ANGPTL7: variants seen among roughly 807,000 people sequenced by gnomAD.
ANGPTL7 encodes the protein angiopoietin-related protein 7.
ANGPTL7 carries 37 observed loss-of-function variants against 38.8 expected under a neutral mutation model. The ratio of observed to expected loss-of-function variants is 0.95; its 90% confidence interval spans 0.73 to 1.25. The LOEUF is 1.25. Ranked by LOEUF, ANGPTL7 falls within the 50% of genes most tolerant of loss-of-function variation. ANGPTL7 has a pLI of 0.00. For synonymous variants in ANGPTL7, 166 were observed against 163.2 expected, an observed-to-expected ratio of 1.02 and a Z score of -0.13; for missense variants, 427 against 438.6, an observed-to-expected ratio of 0.97 and a Z score of 0.24.
chr1:11,195,101 G>A lies in ANGPTL7; in HGVS notation c.*78G>A. 1 of 1,477,214 alleles carries A rather than the reference G, an allele frequency of 6.8e-7. No individual in the cohort carries two copies. 91.5% of individuals were successfully genotyped at this position (1,477,214 alleles called of 1,614,324 possible). A position where few individuals can be genotyped will look rare whatever the true frequency, so the allele number is the denominator to read the frequency against. On this transcript the variant is annotated 3_prime_UTR_variant, in exon 5 of 5. Transcript: ENST00000376819. ...ATGAGGGCAGATGAGGACAGGAAGA[G>A]AGTGTTAGAAAGGGTAGGACTGAGA...
Position 11,195,127 on chromosome 1 carries a change from A to G in ANGPTL7, c.*104A>G. On this transcript the variant is annotated 3_prime_UTR_variant, in exon 5 of 5. Coordinates refer to ENST00000376819, the MANE Select transcript of ANGPTL7 (RefSeq NM_021146.4). ...AGTGTTAGAAAGGGTAGGACTGAGA[A>G]ACAGCCTATAATCTCCAAAGAAAGA... is the stretch of plus-strand genomic sequence containing the variant. 1.7e-6 allele frequency: 2 copies of G among 1,200,522 alleles called. No homozygotes were observed. Among genetic ancestry groups the G allele is most frequent in the Non-Finnish European group, 2.3e-6 (2 of 864,322 alleles). The allele number at this position is 1,200,522 out of a possible 1,614,324, so 74.4% of individuals were successfully genotyped here.
At chr1:11,194,382 T>C in intron 3 of ANGPTL7, 79 bp from the exon 4 acceptor site, 5 of 1,342,952 alleles carry the variant, frequency 3.7e-6, no homozygotes, top group Non-Finnish European at 5.3e-6. Flanking sequence ...GCTATGGGAC[T>C]GTCAGGAGAG....
In ANGPTL7 at chr1:11,192,253, G is replaced by C. The variant is rs535666707; in HGVS notation, c.377-17G>C. 55 of 1,585,708 alleles carry C rather than the reference G, an allele frequency of 3.5e-5. No homozygotes were observed. In the South Asian group the frequency reaches 6.1e-4, roughly 18 times the overall value. ...CACTGGGTCTAAATGCTCACCCTGT[G>C]GTTTGTTCTCTTGTAGATGCCATCT... is the stretch of plus-strand genomic sequence containing the variant. On this transcript the variant is annotated splice_polypyrimidine_tract_variant and intron_variant, in intron 1 of 4. Coordinates refer to ENST00000376819, the MANE Select transcript of ANGPTL7 (RefSeq NM_021146.4).
intron 3 of ANGPTL7, among the ~76,000 whole-genome samples, chr1:11,194,108 T>C (rs1645677591): frequency 6.6e-6 from 1 of 152,120 alleles, no homozygotes; most frequent in Non-Finnish European, 1.5e-5. Flanking sequence ...CTGATACTGT[T>C]TGGGGACCCT....
chr1:11,194,586 T>A lies in ANGPTL7; in HGVS notation c.798T>A (p.His266Gln), dbSNP rs769738671. Residue 266 changes from histidine to glutamine, a missense_variant, in exon 4 of 5, where the codon CAT (histidine) becomes CAA (glutamine). Physicochemically the swap from His to Gln is conservative, Grantham distance 24. Coordinates refer to ENST00000376819, the MANE Select transcript of ANGPTL7 (RefSeq NM_021146.4). ...TGGGGAACGACGCCCTCCAGTATCA[T>A]AACAACACAGCCTTCAGCACCAAGG... ...GNVGNDALQY[H>Q]NNTAFSTKDK... 2.0e-5 allele frequency: 33 copies of A among 1,614,020 alleles called. No homozygotes were observed. Among genetic ancestry groups the A allele is most frequent in the Non-Finnish European group, 2.8e-5 (33 of 1,180,034 alleles).
rs762413357 is a variant in ANGPTL7, at chr1:11,193,600, T to C, written c.498T>C (p.Thr166=). Residue 166 remains threonine (T), a synonymous_variant, in exon 3 of 5, where the codon ACT becomes ACC. Coordinates refer to ENST00000376819, the MANE Select transcript of ANGPTL7 (RefSeq NM_021146.4). The part of the protein sequence containing the change: ...PELEVFCDME[T]SGGGWTIIQR... ...TTCAGGTGTTCTGTGACATGGAGACTTCAGGCGGAGGCTGGACCATCATCC... is the reference window on the plus strand; with the variant it reads ...TTCAGGTGTTCTGTGACATGGAGACCTCAGGCGGAGGCTGGACCATCATCC... 9 of 1,600,962 alleles carry C rather than the reference T, an allele frequency of 5.6e-6. No homozygotes were observed. In the African/African-American group the frequency reaches 9.4e-5, roughly 17 times the overall value.
intron 2 of ANGPTL7, among the ~76,000 whole-genome samples, chr1:11,192,910 C>T (rs1291047367): frequency 6.6e-6 from 1 of 152,156 alleles, no homozygotes; most frequent in Non-Finnish European, 1.5e-5. Flanking sequence ...TAACATAGAT[C>T]AGATCATTCT....
rs182647808 is a variant in ANGPTL7 at position 11,194,641 on chromosome 1, T to A, written c.853T>A (p.Cys285Ser). ...DKDNDNCLDKCAQLRKGGYWY... is the reference protein window; with the variant it reads ...DKDNDNCLDKSAQLRKGGYWY... ...GGACAATGACAACTGCTTGGACAAG[T>A]GTGCACAGCTCCGCAAAGGTGAGAT... Residue 285 changes from cysteine (C) to serine (S), a missense_variant, in exon 4 of 5, where the codon TGT (cysteine) becomes AGT (serine). By Grantham distance (112) the Cys-to-Ser change is moderately radical. Coordinates refer to ENST00000376819, the MANE Select transcript of ANGPTL7 (RefSeq NM_021146.4). 6.2e-7 allele frequency: 1 copy of A among 1,613,998 alleles called. No individual in the cohort carries two copies. Among genetic ancestry groups the A allele is most frequent in the Non-Finnish European group, 8.5e-7 (1 of 1,180,006 alleles).
chr1:11,192,749 A>T (rs1177977369), intron 2 of ANGPTL7, among the ~76,000 whole-genome samples: 1 of 17,176 alleles, frequency 5.8e-5, no homozygotes, highest in African/African-American at 8.4e-5. Flanking sequence ...CATTTCAATT[A>T]AAAAAAAAAA....
intron 1 of ANGPTL7, among the ~76,000 whole-genome samples, 197 bp downstream of exon 1, chr1:11,190,152 T>C (rs942650920): frequency 3.9e-5 from 6 of 152,214 alleles, no homozygotes; most frequent in African/African-American, 1.4e-4. Flanking sequence ...GTCTCTTTTA[T>C]CCACACAGTG....
In ANGPTL7 at chr1:11,195,017, G is replaced by C. The variant is rs773876253; in HGVS notation, c.1035G>C (p.Lys345Asn). Residue 345 changes from lysine to asparagine, a missense_variant, in exon 5 of 5, where the codon AAG (lysine) becomes AAC (asparagine). By Grantham distance (94) the Lys-to-Asn change is moderately conservative. Coordinates refer to ENST00000376819, the MANE Select transcript of ANGPTL7 (RefSeq NM_021146.4). ...TGAAAATCCGCCCAGAAGACTTCAAGCCTTAAAAGGAGGCTGCCGTGGAGC... is the reference window on the plus strand; with the variant it reads ...TGAAAATCCGCCCAGAAGACTTCAACCCTTAAAAGGAGGCTGCCGTGGAGC... ...VEMKIRPEDF[K>N]P is the part of the protein sequence containing the mutation. 2 of 1,613,536 alleles carry C rather than the reference G, an allele frequency of 1.2e-6. No individual in the cohort carries two copies. Among genetic ancestry groups the C allele is most frequent in the Non-Finnish European group, 1.7e-6 (2 of 1,179,968 alleles).
Position 11,194,497 on chromosome 1 carries a change from C to T in ANGPTL7, c.709C>T (p.His237Tyr). 6.2e-7 allele frequency: 1 copy of T among 1,614,132 alleles called. No individual in the cohort carries two copies. Among genetic ancestry groups the T allele is most frequent in the Non-Finnish European group, 8.5e-7 (1 of 1,180,036 alleles). ...CAACCTGCGCTACGCTGAGTATAGC[C>T]ACTTTGTTTTGGGCAATGAACTCAA... is the stretch of plus-strand genomic sequence containing the variant. ...EGNLRYAEYSHFVLGNELNSY... is the reference protein window; with the variant it reads ...EGNLRYAEYSYFVLGNELNSY... The change falls in exon 4 of 5, where the codon CAC becomes TAC. Residue 237 changes from histidine to tyrosine, a missense_variant. His to Tyr is a moderately conservative substitution (Grantham distance 83). Coordinates refer to ENST00000376819, the MANE Select transcript of ANGPTL7 (RefSeq NM_021146.4).
chr1:11,190,087 T>G, intron 1 of ANGPTL7, 132 bp downstream of exon 1: 4 of 1,084,302 alleles, frequency 3.7e-6, no homozygotes, highest in Non-Finnish European at 5.2e-6. Flanking sequence ...TAAAGGCTTA[T>G]GCAGTATTTC....
chr1:11,193,883 C>A, intron 3 of ANGPTL7, 109 bp downstream of exon 3: 2 of 1,130,374 alleles, frequency 1.8e-6, no homozygotes, highest in South Asian at 1.5e-5. Flanking sequence ...TCTGTATATT[C>A]ATTGTGATGG....
At position 11,195,937 on chromosome 1, in the gene ANGPTL7, T is replaced by C. The variant is rs1320508810; in HGVS notation, c.*914T>C. Reference sequence around the variant, plus strand: ...AAATATTGTGGTTTTGTTTTAAACATTCAACGTTTCTTTTCCTTCTACAAT... The same window carrying C: ...AAATATTGTGGTTTTGTTTTAAACACTCAACGTTTCTTTTCCTTCTACAAT... On this transcript the variant is annotated 3_prime_UTR_variant, in exon 5 of 5. Transcript: ENST00000376819. The C allele has an allele frequency of 6.6e-6, 1 of 152,250 alleles. No homozygotes were observed. The highest frequency in any genetic ancestry group is 1.5e-5 in the Non-Finnish European group (1 of 68,044). The allele number at this position is 152,250 out of a possible 1,614,324, so 9.4% of individuals were successfully genotyped here.
At chr1:11,192,955 C>A (rs28991005) in intron 2 of ANGPTL7, among the ~76,000 whole-genome samples, 1 of 152,112 alleles carries the variant, frequency 6.6e-6, no homozygotes, top group East Asian at 1.9e-4. Context: ...AAATCTCTTG[C>A]CATGTCCTAG....
In ANGPTL7 at chr1:11,189,757, A is replaced by G. The variant is rs138991753; in HGVS notation, c.178A>G (p.Ser60Gly). ...KELKAQVANL[S>G]SLLSELNKKQ... Reference sequence around the variant, plus strand: ...GCTCAAGGCCCAAGTTGCCAACCTTAGCAGCCTGCTGAGTGAACTGAACAA... The same window carrying G: ...GCTCAAGGCCCAAGTTGCCAACCTTGGCAGCCTGCTGAGTGAACTGAACAA... Residue 60 changes from serine to glycine, a missense_variant, in exon 1 of 5, where the codon AGC (serine) becomes GGC (glycine). By Grantham distance (56) the Ser-to-Gly change is moderately conservative. Coordinates refer to ENST00000376819, the MANE Select transcript of ANGPTL7 (RefSeq NM_021146.4). 5 of 1,614,186 alleles carry G rather than the reference A, an allele frequency of 3.1e-6. No homozygotes were observed. Among genetic ancestry groups the G allele is most frequent in the Non-Finnish European group, 3.4e-6 (4 of 1,180,014 alleles).
At position 11,189,438 on chromosome 1, in the gene ANGPTL7, G is replaced by T. The variant is rs1645434289; in HGVS notation, c.-142G>T. 9.7e-7 allele frequency: 1 copy of T among 1,032,804 alleles called. No individual in the cohort carries two copies. Among genetic ancestry groups the T allele is most frequent in the East Asian group, 2.4e-5 (1 of 41,746 alleles). The allele number at this position is 1,032,804 out of a possible 1,614,324, so 64.0% of individuals were successfully genotyped here. On this transcript the variant is annotated 5_prime_UTR_variant, in exon 1 of 5. Coordinates refer to ENST00000376819, the MANE Select transcript of ANGPTL7 (RefSeq NM_021146.4). The stretch of plus-strand genomic sequence containing the variant: ...TTGAGAAAGGCTAGCAAAGAGCAAG[G>T]AAAGAGAGAAAACAACAAAGTGGCG...
intron 3 of ANGPTL7, 54 bp from the exon 4 acceptor site, chr1:11,194,407 C>T: frequency 1.3e-6 from 2 of 1,556,464 alleles, no homozygotes; most frequent in East Asian, 4.5e-5. Context: ...GGTATAGAGA[C>T]AGCATGAAAT....
Sources: allele counts gnomAD v4.1 joint callset (sites outside exome capture counted in the v4.1 genomes callset), GRCh38; gene constraint gnomAD v4.1.1; transcripts MANE v1.5; gene names NCBI Gene and HGNC (gene_info 2026-07-23, HGNC 2026-07-21).